EHBP1: variants seen among roughly 807,000 people sequenced by gnomAD.
The protein encoded by EHBP1 is EH domain binding protein 1.
EHBP1 carries 55 observed loss-of-function variants against 144.0 expected under a neutral mutation model. That is an observed-to-expected ratio of 0.38 (90% CI 0.31 to 0.48). EHBP1 has a LOEUF of 0.48. Ranked by LOEUF, EHBP1 falls within the 20% of genes least tolerant of loss-of-function variation. The probability of loss-of-function intolerance (pLI) is 0.98; values close to 1 mark genes in which losing one functional copy is unlikely to be tolerated. For synonymous variants in EHBP1, 469 were observed against 472.7 expected (o/e 0.99, Z 0.10); for missense variants, 1,200 against 1,364.2 (o/e 0.88, Z 1.90).
intron 5 of EHBP1, among the ~76,000 whole-genome samples, chr2:62,795,459 A>G (rs147691117): frequency 1.1e-3 from 165 of 152,190 alleles, no homozygotes; most frequent in African/African-American, 3.6e-3. Flanking sequence ...CAGAAATTTA[A>G]GTAGGTATTC....
intron 10 of EHBP1, among the ~76,000 whole-genome samples, chr2:62,890,401 A>G (rs2052362051): frequency 6.6e-6 from 1 of 152,062 alleles, no homozygotes; most frequent in African/African-American, 2.4e-5. Context: ...TGTTTGTATC[A>G]TCTCTGATTT....
chr2:62,990,625 A>G (rs752540053), intron 15 of EHBP1, 91 bp from the exon 16 acceptor site: 11 of 1,324,458 alleles, frequency 8.3e-6, no homozygotes, highest in Non-Finnish European at 1.2e-5. Flanking sequence ...TTTAAAATAT[A>G]GTAATACTTT....
At position 63,038,850 on chromosome 2, in the gene EHBP1, C is replaced by T. The variant is rs201645981; in HGVS notation, c.3277+34C>T. The T allele has an allele frequency of 8.1e-5, 128 of 1,575,166 alleles. 4 individuals carry two copies. The South Asian group carries it at 1.0e-3, about 12-fold the overall frequency. On this transcript the variant is annotated intron_variant, in intron 21 of 22. Transcript: ENST00000431489. Reference sequence around the variant, plus strand: ...TGCTATGGTGGGGTGAGGTATGTGACGTGTCAGTTGTCAAAGAGATTTAAA... The same window carrying T: ...TGCTATGGTGGGGTGAGGTATGTGATGTGTCAGTTGTCAAAGAGATTTAAA...
intron 6 of EHBP1, 126 bp downstream of exon 6, chr2:62,826,394 C>T (rs1558740674): frequency 1.2e-6 from 1 of 859,412 alleles, no homozygotes; most frequent in Non-Finnish European, 1.7e-6. Flanking sequence ...TTCTTTGTTT[C>T]AGAGGCTGAA....
intron 3 of EHBP1, among the ~76,000 whole-genome samples, chr2:62,753,099 A>T (rs1210663405): frequency 1.3e-5 from 2 of 152,248 alleles, no homozygotes; most frequent in East Asian, 3.9e-4. Context: ...CCTAGCATCG[A>T]TGGTCTTTAC....
At position 63,027,343 on chromosome 2, in the gene EHBP1, G is replaced by A. The variant is rs193162631; in HGVS notation, c.3104-10192G>A. ...GAAATGGCAATACAGACCCAAGTTC[G>A]TCATGAGTGTACTCTAGTGAAGATA... On this transcript the variant is annotated intron_variant, in intron 19 of 22. Coordinates refer to ENST00000431489, the MANE Select transcript of EHBP1 (RefSeq NM_001142616.3). 5.1e-4 allele frequency among the ~76,000 whole-genome samples: 78 copies of A among 152,272 alleles called. 1 individual carries two copies. Among genetic ancestry groups the A allele is most frequent in the African/African-American group, 1.7e-3 (69 of 41,556 alleles).
intron 10 of EHBP1, among the ~76,000 whole-genome samples, chr2:62,879,560 C>CACACACACAA (rs2051198593): frequency 6.7e-6 from 1 of 149,418 alleles, no homozygotes; most frequent in Admixed American, 6.7e-5. Context: ...CACACACACA[C>CACACACACAA]ACACACACAC....
intron 6 of EHBP1, among the ~76,000 whole-genome samples, chr2:62,827,923 C>T (rs2046461737): frequency 6.6e-6 from 1 of 152,188 alleles, no homozygotes; most frequent in African/African-American, 2.4e-5. Context: ...CCCACCTCGG[C>T]CTCCCAAAGT....
At chr2:62,933,788 A>G (rs896525262) in intron 10 of EHBP1, among the ~76,000 whole-genome samples, 1 of 152,174 alleles carries the variant, frequency 6.6e-6, no homozygotes, top group African/African-American at 2.4e-5. Flanking sequence ...TGTTTTAAGT[A>G]TGACCCCCCT....
At chr2:63,044,723 C>G (rs2061862224) in intron 21 of EHBP1, 1 of 179,830 alleles carries the variant, frequency 5.6e-6, no homozygotes, top group Non-Finnish European at 1.2e-5. Flanking sequence ...ACTTCCCCCA[C>G]TACCAACCCC....
intron 4 of EHBP1, 94 bp downstream of exon 4, chr2:62,764,455 T>G: frequency 1.1e-6 from 1 of 915,218 alleles, no homozygotes. Flanking sequence ...TACATTTGTG[T>G]CCAGTCTGGT....
At chr2:62,897,916 C>T (rs550057374) in intron 10 of EHBP1, among the ~76,000 whole-genome samples, 6 of 152,248 alleles carry the variant, frequency 3.9e-5, no homozygotes, top group Admixed American at 3.9e-4. Flanking sequence ...CCACAAGCTA[C>T]ACGTGACTGT....
chr2:62,752,271 G>T (rs2039813724), intron 3 of EHBP1, among the ~76,000 whole-genome samples: 2 of 152,192 alleles, frequency 1.3e-5, no homozygotes, highest in South Asian at 4.1e-4. Flanking sequence ...AGGTTGTTCA[G>T]TTTCCATGTA....
At chr2:62,837,929 A>G (rs2047425518) in intron 7 of EHBP1, among the ~76,000 whole-genome samples, 1 of 146,318 alleles carries the variant, frequency 6.8e-6, no homozygotes, top group African/African-American at 2.5e-5. Context: ...TAGACAGATC[A>G]ACGAGACAGA....
intron 10 of EHBP1, among the ~76,000 whole-genome samples, chr2:62,878,149 C>G (rs1162551875): frequency 6.6e-6 from 1 of 152,104 alleles, no homozygotes; most frequent in Admixed American, 6.5e-5. Context: ...GACATTACCA[C>G]CAACCCCATA....
chr2:62,795,530 A>G (rs946993631), intron 5 of EHBP1, among the ~76,000 whole-genome samples: 1 of 152,014 alleles, frequency 6.6e-6, no homozygotes, highest in African/African-American at 2.4e-5. Flanking sequence ...TCAGTACAGT[A>G]TAGTTCCACT....
At chr2:62,778,847 T>C (rs2042227492) in intron 5 of EHBP1, among the ~76,000 whole-genome samples, 1 of 149,154 alleles carries the variant, frequency 6.7e-6, no homozygotes, top group Admixed American at 6.8e-5. Flanking sequence ...AGTATATAAA[T>C]GCTGCTTCTC....
Position 63,045,479 on chromosome 2 carries a change from G to T in EHBP1, c.3462G>T (p.Glu1154Asp), listed in dbSNP as rs762195120. The T allele has an allele frequency of 1.9e-5, 30 of 1,613,844 alleles. No individual in the cohort carries two copies. The South Asian group carries it at 3.3e-4, about 18-fold the overall frequency. Residue 1154 changes from glutamate to aspartate, a missense_variant, in exon 23 of 23, where the codon GAG (glutamate) becomes GAT (aspartate). By Grantham distance (45) the Glu-to-Asp change is conservative. This residue lies in a region of EHBP1 where 149 missense variants were observed against 217.0 expected (regional missense o/e 0.69). Coordinates refer to ENST00000431489, the MANE Select transcript of EHBP1 (RefSeq NM_001142616.3). The surrounding 1 kb of genome is among the most constrained non-coding windows in gnomAD (Gnocchi z 5.7). ...EQNKGKMAKK[E>D]EKCVLQ ...ACAAAGGCAAGATGGCCAAGAAAGA[G>T]GAGAAATGTGTTCTTCAGTAGCCAT...
Position 62,900,886 on chromosome 2 carries a change from A to T in EHBP1, c.1185+26354A>T, listed in dbSNP as rs530894118. 2.4e-4 allele frequency among the ~76,000 whole-genome samples: 37 copies of T among 152,174 alleles called. No homozygotes were observed. In the South Asian group the frequency reaches 7.5e-3, roughly 31 times the overall value. On this transcript the variant is annotated intron_variant, in intron 10 of 22. Transcript: ENST00000431489. ...TTGGAAAGTATATCTTATGTATTTG[A>T]TTATTTTTTATTATGAAGCAGTAGC... is the stretch of plus-strand genomic sequence containing the variant.
Sources: gnomAD v4.1 joint callset for allele counts (sites outside exome capture counted in the v4.1 genomes callset) on GRCh38, gnomAD v4.1.1 for gene constraint, gnomAD v4.1.1 regional missense constraint, Gnocchi (gnomAD v3.1) non-coding constraint, MANE v1.5 for transcripts, NCBI Gene and HGNC (gene_info 2026-07-23, HGNC 2026-07-21) for gene names.